Variants in FAXDC2 observed in about 807,000 individuals in gnomAD.
FAXDC2 encodes the protein fatty acid hydroxylase domain containing 2.
A neutral mutation model predicts 40.9 loss-of-function variants in FAXDC2; 41 were observed. The ratio of observed to expected loss-of-function variants is 1.00; its 90% CI spans 0.78 to 1.30. The LOEUF (loss-of-function observed/expected upper bound fraction) is 1.30. Among genes scored for constraint, FAXDC2 ranks in the 50% most tolerant of loss-of-function variants. The pLI is 0.00. For missense variants in FAXDC2, 390 were observed against 408.8 expected, an observed-to-expected ratio of 0.95 and a Z score of 0.40; for synonymous variants, 157 against 149.3, an observed-to-expected ratio of 1.05 and a Z score of -0.38.
chr5:154,822,695 A>AC (rs2113121515), intron 6 of FAXDC2, 118 bp from the exon 7 acceptor site: 1 of 728,544 alleles, frequency 1.4e-6, no homozygotes, highest in Non-Finnish European at 2.4e-6. Context: ...AGTTAACAAC[A>AC]CCAAGACCTG....
intron 6 of FAXDC2, 138 bp downstream of exon 6, chr5:154,823,249 A>C: frequency 1.4e-6 from 1 of 723,776 alleles, no homozygotes; most frequent in Non-Finnish European, 2.3e-6. Context: ...CCTGGGCTCA[A>C]GTGATCCGCC....
In FAXDC2 at chr5:154,839,437, G is replaced by A. The variant is rs376587512; in HGVS notation, c.1-1259C>T. On this transcript the variant is annotated intron_variant, in intron 1 of 8. Transcript: ENST00000326080. ...GCAGGAGGATCATTTGAGTCCTGGA[G>A]TTTGAGACCAGCCTGGGCAAACATA... Among the ~76,000 whole-genome samples the A allele has an allele frequency of 7.9e-5, 12 of 151,774 alleles. No individual in the cohort carries two copies. The South Asian group carries it at 2.5e-3, about 32-fold the overall frequency.
rs1222305710 is a variant in FAXDC2 at position 154,822,561 on chromosome 5, T to C, written c.589A>G (p.Thr197Ala). Residue 197 changes from threonine to alanine, a missense_variant, in exon 7 of 9, where the codon ACA (threonine) becomes GCA (alanine). Coordinates refer to ENST00000326080, the MANE Select transcript of FAXDC2 (RefSeq NM_032385.5). ...YYSHRLLHHP[T>A]FYKKIHKKHH... ...TTCTTGTGGATTTTCTTGTAGAATG[T>C]TGGGTGGTGAAGGAGCCTGGGGAAA... is the stretch of plus-strand genomic sequence containing the variant. The C allele has an allele frequency of 1.2e-6, 2 of 1,613,954 alleles. No individual in the cohort carries two copies. Among genetic ancestry groups the C allele is most frequent in the African/African-American group, 1.3e-5 (1 of 74,918 alleles).
rs375488530 is a variant in FAXDC2 at position 154,823,424 on chromosome 5, T to C, written c.535A>G (p.Thr179Ala). 4 of 1,613,798 alleles carry C rather than the reference T, an allele frequency of 2.5e-6. No individual in the cohort carries two copies. The African/African-American group carries it at 5.3e-5, about 22-fold the overall frequency. ...TAGAACAAGACTTCCTCGATCAGCG[T>C]GAAGATGGCCAGCTCCAGGAGGAAC... ...HWFLLELAIFTLIEEVLFYYS... is the reference protein window; with the variant it reads ...HWFLLELAIFALIEEVLFYYS... The change falls in exon 6 of 9, where the codon ACG (threonine) becomes GCG (alanine). Residue 179 changes from threonine (T) to alanine (A), a missense_variant. Thr to Ala is a moderately conservative substitution (Grantham distance 58). Coordinates refer to ENST00000326080, the MANE Select transcript of FAXDC2 (RefSeq NM_032385.5).
chr5:154,836,448 CGACA>C (rs1190000204), intron 2 of FAXDC2: 1 of 152,170 alleles, frequency 6.6e-6, no homozygotes, highest in Non-Finnish European at 1.5e-5. Context: ...TTCCGTTGTA[CGACA>C]GACAGGAATT....
intron 1 of FAXDC2, among the ~76,000 whole-genome samples, chr5:154,843,250 C>T (rs2113167750): frequency 6.6e-6 from 1 of 152,350 alleles, no homozygotes; most frequent in African/African-American, 2.4e-5. Context: ...CAGGGAACTT[C>T]ACTCACAAGT....
intron 5 of FAXDC2, among the ~76,000 whole-genome samples, chr5:154,828,932 T>C (rs1226472531): frequency 6.7e-6 from 1 of 149,524 alleles, no homozygotes; most frequent in Non-Finnish European, 1.5e-5. Context: ...CTTTTTTTTT[T>C]TTTTTGAGGC....
In FAXDC2 at chr5:154,834,859, A is replaced by G. The variant is rs1760279675; in HGVS notation, c.124T>C (p.Trp42Arg). The change falls in exon 3 of 9, where the codon TGG becomes CGG. Residue 42 changes from tryptophan (W) to arginine (R), a missense_variant. Trp to Arg is a moderately radical substitution (Grantham distance 101). Transcript: ENST00000326080. ...GSGLLSFVAFWNSVTWHLQRF... is the reference protein window; with the variant it reads ...GSGLLSFVAFRNSVTWHLQRF... Reference sequence around the variant, plus strand: ...CCGACTTACCATGTCACTGAGTTCCAGAAGGCCACAAATGAGAGAAGTCCA... The same window carrying G: ...CCGACTTACCATGTCACTGAGTTCCGGAAGGCCACAAATGAGAGAAGTCCA... The G allele has an allele frequency of 1.2e-6, 2 of 1,611,288 alleles. No individual in the cohort carries two copies. Among genetic ancestry groups the G allele is most frequent in the Non-Finnish European group, 1.7e-6 (2 of 1,178,532 alleles).
chr5:154,835,372 G>A (rs990284218), intron 2 of FAXDC2: 8 of 168,998 alleles, frequency 4.7e-5, no homozygotes, highest in Non-Finnish European at 1.0e-4. Context: ...AAGAGTCCCT[G>A]GGGGTGGGAC....
intron 5 of FAXDC2, among the ~76,000 whole-genome samples, chr5:154,827,534 C>A (rs1041376336): frequency 2.7e-5 from 4 of 149,826 alleles, no homozygotes; most frequent in Admixed American, 2.0e-4. Flanking sequence ...TACTTCCATC[C>A]CATCGCGAGG....
chr5:154,842,767 T>C (rs140512541), intron 1 of FAXDC2, among the ~76,000 whole-genome samples: 2,488 of 151,420 alleles, frequency 0.016, 28 homozygotes, highest in East Asian at 0.032. Context: ...CCTGACCTCG[T>C]GATCTGCCTG....
rs772426610 is a variant in FAXDC2, at chr5:154,842,512, G to GTTTT, written c.1-4338_1-4335dup. 4.6e-4 allele frequency among the ~76,000 whole-genome samples: 24 copies of GTTTT among 51,618 alleles called. 4 individuals carry two copies. The highest frequency in any genetic ancestry group is 5.3e-4 in the Non-Finnish European group (14 of 26,312). 33.9% of individuals were successfully genotyped at this position (51,618 alleles called of 152,430 possible). A position where few individuals can be genotyped will look rare whatever the true frequency, so the allele number is the denominator to read the frequency against. Reference sequence around the variant, plus strand: ...AGCCACTGCGCTCAGCCCTTTGTGTGTTTTTTTTTTTTTTTTTTTTTTTTT... The same window carrying GTTTT: ...AGCCACTGCGCTCAGCCCTTTGTGTGTTTTTTTTTTTTTTTTTTTTTTTTTTTTT... On this transcript the variant is annotated intron_variant, in intron 1 of 8. Coordinates refer to ENST00000326080, the MANE Select transcript of FAXDC2 (RefSeq NM_032385.5).
intron 2 of FAXDC2, chr5:154,835,177 A>G: frequency 2.2e-6 from 1 of 448,728 alleles, no homozygotes; most frequent in Non-Finnish European, 4.0e-6. Context: ...GAAGGGAATT[A>G]GCCTGACTCC....
chr5:154,824,208 G>A (rs954117680), intron 5 of FAXDC2: 4 of 467,526 alleles, frequency 8.6e-6, no homozygotes, highest in South Asian at 2.6e-5. Context: ...TACAGAGCTG[G>A]TCCCAAGTGT....
chr5:154,834,928 G>C lies in FAXDC2; in HGVS notation c.55C>G (p.His19Asp), dbSNP rs1228365630. 6.3e-7 allele frequency: 1 copy of C among 1,594,122 alleles called. No homozygotes were observed. Among genetic ancestry groups the C allele is most frequent in the Admixed American group, 1.7e-5 (1 of 57,362 alleles). The change falls in exon 3 of 9, where the codon CAC (histidine) becomes GAC (aspartate). Residue 19 changes from histidine (H) to aspartate (D), a missense_variant. By Grantham distance (81) the His-to-Asp change is moderately conservative. Transcript: ENST00000326080. ...GTCCTCCTCATAGAGCCCCAGATGT[G>C]TCCCTCCTGGAGGAGGGCAGGGAAG... ...LHNEKSKQEGHIWGSMRRTAF... is the reference protein window; with the variant it reads ...LHNEKSKQEGDIWGSMRRTAF...
rs537090699 is a variant in FAXDC2, at chr5:154,822,814, C to G, written c.573-237G>C. 1.6e-4 allele frequency among the ~76,000 whole-genome samples: 25 copies of G among 152,230 alleles called. No homozygotes were observed. The South Asian group carries it at 4.1e-3, about 25-fold the overall frequency. ...AAAATGGGATGCTGCCCAGAAAGGACTGAATAAGGAAATGAATGGGAAACT... is the reference window on the plus strand; with the variant it reads ...AAAATGGGATGCTGCCCAGAAAGGAGTGAATAAGGAAATGAATGGGAAACT... On this transcript the variant is annotated intron_variant, in intron 6 of 8. Coordinates refer to ENST00000326080, the MANE Select transcript of FAXDC2 (RefSeq NM_032385.5).
intron 1 of FAXDC2, among the ~76,000 whole-genome samples, chr5:154,846,336 C>G (rs1400393158): frequency 1.3e-5 from 2 of 150,862 alleles, no homozygotes; most frequent in African/African-American, 2.5e-5. Context: ...AAATACTAAT[C>G]ATTCTTTCAA....
At chr5:154,827,564 T>C (rs1760074012) in intron 5 of FAXDC2, among the ~76,000 whole-genome samples, 1 of 151,790 alleles carries the variant, frequency 6.6e-6, no homozygotes, top group Non-Finnish European at 1.5e-5. Flanking sequence ...GCCAGCCTGT[T>C]GTGAGAGGAC....
intron 5 of FAXDC2, among the ~76,000 whole-genome samples, chr5:154,827,577 G>T (rs1760074140): frequency 6.6e-6 from 1 of 151,810 alleles, no homozygotes; most frequent in Non-Finnish European, 1.5e-5. Context: ...GAGAGGACAT[G>T]TTAGGTGAGG....
Sources: gnomAD v4.1 joint callset for allele counts (sites outside exome capture counted in the v4.1 genomes callset) on GRCh38, gnomAD v4.1.1 for gene constraint, MANE v1.5 for transcripts, NCBI Gene and HGNC (gene_info 2026-07-23, HGNC 2026-07-21) for gene names.